Variants in ALMS1 observed in about 807,000 individuals in gnomAD.
ALMS1 encodes ALMS1 centrosome and basal body associated protein.
Under a neutral mutation model 352.2 loss-of-function variants are expected in ALMS1, and 271 were observed. The ratio of observed to expected loss-of-function variants is 0.77; its 90% confidence interval spans 0.70 to 0.85. The LOEUF (loss-of-function observed/expected upper bound fraction) is 0.85. Among genes scored for constraint, ALMS1 ranks in the 40% least tolerant of loss-of-function variants. The pLI is 0.00. For synonymous variants in ALMS1, 1,865 were observed against 1,761.2 expected (o/e 1.06, Z -1.48); for missense variants, 5,445 against 4,870.7 (o/e 1.12, Z -3.51).
intron 10 of ALMS1, among the ~76,000 whole-genome samples, chr2:73,512,531 G>A (rs1011704494): frequency 1.3e-5 from 2 of 151,284 alleles, no homozygotes; most frequent in Non-Finnish European, 2.9e-5. Flanking sequence ...TATTAAAATT[G>A]TTTTGCTCAT....
intron 10 of ALMS1, among the ~76,000 whole-genome samples, chr2:73,492,592 C>G (rs1448407960): frequency 2.0e-5 from 3 of 152,028 alleles, no homozygotes. Flanking sequence ...CCTTGGCACT[C>G]ATATGTAGAA....
intron 15 of ALMS1, among the ~76,000 whole-genome samples, chr2:73,563,755 G>GAAAA (rs1674718675): frequency 6.9e-6 from 1 of 144,622 alleles, no homozygotes; most frequent in African/African-American, 2.7e-5. Context: ...AATAAAAAAT[G>GAAAA]AAGGTATGGA....
At chr2:73,485,723 G>A (rs549313684) in intron 9 of ALMS1, among the ~76,000 whole-genome samples, 7 of 152,224 alleles carry the variant, frequency 4.6e-5, no homozygotes, top group African/African-American at 1.2e-4. Flanking sequence ...AGCAATCAGC[G>A]AGACTCCGTG....
At chr2:73,454,429 C>T in intron 8 of ALMS1, 1 of 935,084 alleles carries the variant, frequency 1.1e-6, no homozygotes, top group Middle Eastern at 5.5e-4. Flanking sequence ...CTAATCCTCC[C>T]ATTATAGTAT....
At chr2:73,464,230 C>CA (rs1319509614) in intron 9 of ALMS1, among the ~76,000 whole-genome samples, 2 of 152,160 alleles carry the variant, frequency 1.3e-5, no homozygotes, top group East Asian at 3.8e-4. Context: ...AGCAGCACAT[C>CA]AAAAAGCTTA....
At position 73,424,744 on chromosome 2, in the gene ALMS1, A is replaced by G; in HGVS notation, c.1079A>G (p.Asn360Ser). 1 of 1,614,080 alleles carries G rather than the reference A, an allele frequency of 6.2e-7. No homozygotes were observed. Among genetic ancestry groups the G allele is most frequent in the South Asian group, 1.1e-5 (1 of 91,076 alleles). The change falls in exon 5 of 23, where the codon AAT (asparagine) becomes AGT (serine). Residue 360 changes from asparagine to serine, a missense_variant. Transcript: ENST00000613296. ...TRKDTQWPEN[N>S]LADKDQVSVA... ...AAAGATACACAGTGGCCTGAAAACA[A>G]TTTAGCTGATAAAGATCAAGTTTCA...
chr2:73,455,033 T>C (rs1672030830), intron 8 of ALMS1, 129 bp from the exon 9 acceptor site: 2 of 1,055,034 alleles, frequency 1.9e-6, no homozygotes, highest in South Asian at 1.4e-5. Flanking sequence ...GTTGTCATAA[T>C]TGAGAAGAAG....
At chr2:73,386,836 C>G (rs1167487831) in intron 1 of ALMS1, among the ~76,000 whole-genome samples, 1 of 152,184 alleles carries the variant, frequency 6.6e-6, no homozygotes, top group South Asian at 2.1e-4. Context: ...CCCCGAAGAT[C>G]ATTTTGAAAA....
intron 10 of ALMS1, among the ~76,000 whole-genome samples, chr2:73,518,061 C>T (rs746834044): frequency 4.0e-5 from 6 of 151,702 alleles, no homozygotes; most frequent in Non-Finnish European, 7.4e-5. Context: ...ATGTCATCAC[C>T]CAGGTACTAA....
Position 73,602,197 on chromosome 2 carries a change from T to C in ALMS1, c.12127T>C (p.Phe4043Leu). 1 of 1,614,064 alleles carries C rather than the reference T, an allele frequency of 6.2e-7. No homozygotes were observed. The highest frequency in any genetic ancestry group is 8.5e-7 in the Non-Finnish European group (1 of 1,179,984). ...TTTTTTCTTTTAGGAATCGCTTCAGTTTCACAGACCTGACTTCATCTCCCG... is the reference window on the plus strand; with the variant it reads ...TTTTTTCTTTTAGGAATCGCTTCAGCTTCACAGACCTGACTTCATCTCCCG... Reference protein sequence around the residue: ...VRATLQESLQFHRPDFISRSG... With the variant: ...VRATLQESLQLHRPDFISRSG... Residue 4043 changes from phenylalanine (F) to leucine (L), a missense_variant, in exon 20 of 23, where the codon TTT becomes CTT. Coordinates refer to ENST00000613296, the MANE Select transcript of ALMS1 (RefSeq NM_001378454.1).
Position 73,452,068 on chromosome 2 carries a change from C to G in ALMS1, c.5541C>G (p.Pro1847=), listed in dbSNP as rs1389209265. The part of the protein sequence containing the change: ...ADQKTGINIL[P]SNSYPQREHS... ...AGAAGACTGGAATAAACATCCTGCC[C>G]TCTAATTCCTACCCACAGAGAGAGC... The change falls in exon 8 of 23, where the codon CCC becomes CCG. Residue 1847 remains proline, a synonymous_variant. Coordinates refer to ENST00000613296, the MANE Select transcript of ALMS1 (RefSeq NM_001378454.1). 6.2e-7 allele frequency: 1 copy of G among 1,614,004 alleles called. No individual in the cohort carries two copies. The highest frequency in any genetic ancestry group is 1.7e-5 in the Admixed American group (1 of 59,996).
chr2:73,581,658 G>A (rs1222848878), intron 16 of ALMS1, among the ~76,000 whole-genome samples: 3 of 152,174 alleles, frequency 2.0e-5, no homozygotes, highest in Non-Finnish European at 4.4e-5. Flanking sequence ...CTCCCTTGGA[G>A]GTCTCTACTC....
At chr2:73,582,124 C>G (rs1410862085) in intron 16 of ALMS1, among the ~76,000 whole-genome samples, 1 of 152,170 alleles carries the variant, frequency 6.6e-6, no homozygotes, top group Non-Finnish European at 1.5e-5. Flanking sequence ...CACTATTGCT[C>G]TTTGCCCATC....
At chr2:73,498,041 G>T (rs7562047) in intron 10 of ALMS1, among the ~76,000 whole-genome samples, 74,576 of 151,890 alleles carry the variant, frequency 0.49, 21,291 homozygotes, top group African/African-American at 0.8. Context: ...TAATACAAGT[G>T]ATGTTTACAC....
intron 12 of ALMS1, among the ~76,000 whole-genome samples, chr2:73,538,887 A>C (rs1248154090): frequency 6.6e-6 from 1 of 152,142 alleles, no homozygotes; most frequent in Non-Finnish European, 1.5e-5. Flanking sequence ...AGCGGCCGGG[A>C]AGCTCGAACT....
At chr2:73,434,005 C>T (rs1464209638) in intron 7 of ALMS1, among the ~76,000 whole-genome samples, 2 of 151,958 alleles carry the variant, frequency 1.3e-5, no homozygotes, top group Non-Finnish European at 2.9e-5. Flanking sequence ...TTTGTTCTCC[C>T]TTTGGTGAAT....
intron 16 of ALMS1, among the ~76,000 whole-genome samples, chr2:73,597,781 C>CTT (rs36025075): frequency 1.4e-5 from 2 of 142,192 alleles, no homozygotes; most frequent in Non-Finnish European, 1.5e-5. Context: ...TGACACAGAG[C>CTT]TTTTTTTTTT....
chr2:73,572,737 G>GA lies in ALMS1; in HGVS notation c.10863dup (p.Glu3622ArgfsTer9), dbSNP rs1674964834. On this transcript the variant is annotated frameshift_variant, in exon 16 of 23. Transcript: ENST00000613296. LOFTEE classifies it high-confidence loss of function. ...AGAGACAGCCTGAGTTGGGTGACAG[G>GA]AAAGAACTGTCCTTGGTGGACCGAC... The GA allele has an allele frequency of 6.2e-7, 1 of 1,614,018 alleles. No homozygotes were observed.
At position 73,572,559 on chromosome 2, in the gene ALMS1, A is replaced by G; in HGVS notation, c.10682A>G (p.Asp3561Gly). ...NVNLGNKEVM[D>G]TTKSQVRDYP... The stretch of plus-strand genomic sequence containing the variant: ...AATTTGGGAAACAAAGAAGTGATGG[A>G]TACTACTAAAAGTCAAGTTAGAGAT... The change falls in exon 16 of 23, where the codon GAT becomes GGT. Residue 3561 changes from aspartate to glycine, a missense_variant. By Grantham distance (94) the Asp-to-Gly change is moderately conservative. Coordinates refer to ENST00000613296, the MANE Select transcript of ALMS1 (RefSeq NM_001378454.1). The G allele has an allele frequency of 6.2e-7, 1 of 1,613,892 alleles. No individual in the cohort carries two copies. The highest frequency in any genetic ancestry group is 8.5e-7 in the Non-Finnish European group (1 of 1,179,988).
Sources: gnomAD v4.1 joint callset for allele counts (sites outside exome capture counted in the v4.1 genomes callset) on GRCh38, gnomAD v4.1.1 for gene constraint, MANE v1.5 for transcripts, NCBI Gene and HGNC (gene_info 2026-07-23, HGNC 2026-07-21) for gene names.